Variants in HECW1 observed in about 807,000 individuals in gnomAD.
The protein encoded by HECW1 is HECT, C2 and WW domain containing E3 ubiquitin protein ligase 1, also known as E3 ubiquitin-protein ligase HECW1.
A neutral mutation model predicts 182.3 loss-of-function variants in HECW1; 61 were observed. The ratio of observed to expected loss-of-function variants is 0.33; its 90% CI spans 0.27 to 0.41. The LOEUF is 0.41. Among genes scored for constraint, HECW1 ranks in the 10% least tolerant of loss-of-function variants. HECW1 has a pLI of 1.00. For missense variants in HECW1, 1,739 were observed against 2,108.9 expected, an observed-to-expected ratio of 0.82 and a Z score of 3.44; for synonymous variants, 859 against 832.6, an observed-to-expected ratio of 1.03 and a Z score of -0.55.
intron 3 of HECW1, among the ~76,000 whole-genome samples, chr7:43,304,889 T>C (rs926755412): frequency 1.3e-4 from 20 of 152,228 alleles, no homozygotes; most frequent in African/African-American, 3.9e-4. Context: ...GCTGCTGTCT[T>C]GGTGCCTGCC....
chr7:43,383,746 C>T (rs1001831151), intron 6 of HECW1, among the ~76,000 whole-genome samples: 1 of 152,168 alleles, frequency 6.6e-6, no homozygotes, highest in African/African-American at 2.4e-5. Flanking sequence ...ATCCCCCATG[C>T]AGTCAAACAT....
chr7:43,369,311 T>A (rs932819823), intron 6 of HECW1, among the ~76,000 whole-genome samples: 5 of 151,816 alleles, frequency 3.3e-5, no homozygotes, highest in Non-Finnish European at 5.9e-5. Flanking sequence ...ATACAAAATT[T>A]GCCGGGTGTG....
chr7:43,495,284 C>T (rs1401476460), intron 19 of HECW1, among the ~76,000 whole-genome samples: 1 of 151,982 alleles, frequency 6.6e-6, no homozygotes, highest in East Asian at 1.9e-4. Flanking sequence ...CCCAACAGGC[C>T]CCGGTGTGTG....
chr7:43,336,107 T>C lies in HECW1; in HGVS notation c.460+15365T>C, dbSNP rs1025965205. 8.2e-5 allele frequency among the ~76,000 whole-genome samples: 9 copies of C among 110,280 alleles called. No homozygotes were observed. The East Asian group carries it at 1.6e-3, about 19-fold the overall frequency. The allele number at this position is 110,280 out of a possible 152,430, so 72.3% of individuals were successfully genotyped here. A position where few individuals can be genotyped will look rare whatever the true frequency, so the allele number is the denominator to read the frequency against. On this transcript the variant is annotated intron_variant, in intron 5 of 29. Transcript: ENST00000395891. ...TTTCTTTCTCTTTCTTTCTTTCTTC[T>C]TTCTTTCTTTCTTTCTTTCTCTCTC...
chr7:43,333,370 A>T (rs959816605), intron 5 of HECW1, among the ~76,000 whole-genome samples: 2 of 152,230 alleles, frequency 1.3e-5, no homozygotes, highest in Non-Finnish European at 2.9e-5. Flanking sequence ...GCAACACAGG[A>T]TTTCAATCGC....
intron 18 of HECW1, 85 bp from the exon 19 acceptor site, chr7:43,492,998 TG>T: frequency 1.2e-6 from 1 of 833,158 alleles, no homozygotes; most frequent in Non-Finnish European, 1.9e-6. Flanking sequence ...TCATTAATCC[TG>T]GTATCAAGCA....
At chr7:43,396,617 C>A in intron 6 of HECW1, 197 bp from the exon 7 acceptor site, 1 of 494,058 alleles carries the variant, frequency 2.0e-6, no homozygotes, top group Non-Finnish European at 3.7e-6. Context: ...CCCATCACCC[C>A]CACTAGCAGA....
intron 24 of HECW1, among the ~76,000 whole-genome samples, chr7:43,520,992 G>A (rs1174962420): frequency 6.6e-6 from 1 of 152,182 alleles, no homozygotes; most frequent in Non-Finnish European, 1.5e-5. Context: ...CCTGAGGCAG[G>A]TGCCACACAG....
intron 4 of HECW1, among the ~76,000 whole-genome samples, chr7:43,312,326 A>ATT (rs1408752736): frequency 4.6e-5 from 7 of 152,360 alleles, no homozygotes; most frequent in African/African-American, 1.7e-4. Flanking sequence ...AGGTGTGGTT[A>ATT]AACACAAATG....
chr7:43,553,931 T>C (rs1267202067), intron 28 of HECW1, among the ~76,000 whole-genome samples: 1 of 152,246 alleles, frequency 6.6e-6, no homozygotes, highest in Non-Finnish European at 1.5e-5. Flanking sequence ...TTGGCACACA[T>C]AGATTTCTCC....
chr7:43,455,493 C>T (rs2077371032), intron 12 of HECW1, among the ~76,000 whole-genome samples: 2 of 152,180 alleles, frequency 1.3e-5, no homozygotes, highest in Admixed American at 6.5e-5. Flanking sequence ...TCCACTGAAC[C>T]TAATCGCCCT....
At chr7:43,499,171 C>T (rs1030887629) in intron 19 of HECW1, among the ~76,000 whole-genome samples, 1 of 152,016 alleles carries the variant, frequency 6.6e-6, no homozygotes, top group African/African-American at 2.4e-5. Context: ...GTCCCAGCTA[C>T]ATGGGGGGAC....
chr7:43,141,731 C>T (rs1245813748), intron 2 of HECW1, among the ~76,000 whole-genome samples: 1 of 152,152 alleles, frequency 6.6e-6, no homozygotes, highest in Non-Finnish European at 1.5e-5. Context: ...CTCCCGACGT[C>T]AGGTGATCCG....
chr7:43,182,366 C>A (rs1792952282), intron 2 of HECW1, among the ~76,000 whole-genome samples: 1 of 152,148 alleles, frequency 6.6e-6, no homozygotes, highest in African/African-American at 2.4e-5. Context: ...CATTCTTCTG[C>A]CTGTGGACAT....
chr7:43,389,007 T>C (rs901708072), intron 6 of HECW1, among the ~76,000 whole-genome samples: 1 of 152,084 alleles, frequency 6.6e-6, no homozygotes, highest in African/African-American at 2.4e-5. Context: ...AAGGTGCCAG[T>C]GATGGGGATG....
At chr7:43,551,935 G>A (rs1023779631) in intron 27 of HECW1, among the ~76,000 whole-genome samples, 6 of 151,696 alleles carry the variant, frequency 4.0e-5, no homozygotes, top group African/African-American at 1.2e-4. Flanking sequence ...TGTCTTGGGC[G>A]TGTTTAATAA....
chr7:43,454,066 A>G (rs986970887), intron 12 of HECW1, among the ~76,000 whole-genome samples: 2 of 152,196 alleles, frequency 1.3e-5, no homozygotes, highest in Admixed American at 6.5e-5. Flanking sequence ...ACACTTTTCC[A>G]TGAGGAATTG....
At chr7:43,393,655 A>G (rs2075123561) in intron 6 of HECW1, among the ~76,000 whole-genome samples, 1 of 151,432 alleles carries the variant, frequency 6.6e-6, no homozygotes, top group Non-Finnish European at 1.5e-5. Flanking sequence ...AGCTTTTGGA[A>G]AACATACTCT....
intron 2 of HECW1, among the ~76,000 whole-genome samples, chr7:43,196,781 A>G (rs1295763901): frequency 6.6e-6 from 1 of 152,252 alleles, no homozygotes; most frequent in African/African-American, 2.4e-5. Flanking sequence ...ACCTTTATTT[A>G]TTAAATTTAA....
Sources: allele counts gnomAD v4.1 joint callset (sites outside exome capture counted in the v4.1 genomes callset), GRCh38; gene constraint gnomAD v4.1.1; transcripts MANE v1.5; gene names NCBI Gene and HGNC (gene_info 2026-07-23, HGNC 2026-07-21).